ASCC3: variants seen among roughly 807,000 people sequenced by gnomAD.
The protein encoded by ASCC3 is activating signal cointegrator 1 complex subunit 3.
Under a neutral mutation model 256.3 loss-of-function variants are expected in ASCC3, and 158 were observed. The ratio of observed to expected loss-of-function variants is 0.62; its 90% CI spans 0.54 to 0.70. The LOEUF is 0.70. ASCC3 is among the 30% of genes least tolerant of loss of function. The probability of loss-of-function intolerance (pLI) is 0.00; values close to 1 mark genes in which losing one functional copy is unlikely to be tolerated. For missense variants in ASCC3, 2,259 were observed against 2,626.0 expected (o/e 0.86, Z 3.05); for synonymous variants, 948 against 883.4 (o/e 1.07, Z -1.30).
intron 15 of ASCC3, 142 bp downstream of exon 15, chr6:100,662,203 G>C: frequency 9.0e-7 from 1 of 1,109,326 alleles, no homozygotes; most frequent in Non-Finnish European, 1.3e-6. Flanking sequence ...ATTCTTATTG[G>C]AGAAAATAAT....
intron 13 of ASCC3, among the ~76,000 whole-genome samples, chr6:100,706,701 A>C (rs1439103506): frequency 6.6e-6 from 1 of 152,088 alleles, no homozygotes; most frequent in African/African-American, 2.4e-5. Context: ...AACTGATTTT[A>C]GGCCAAATAG....
chr6:100,638,403 C>T (rs1277186804), intron 25 of ASCC3, among the ~76,000 whole-genome samples, 198 bp downstream of exon 25: 1 of 152,148 alleles, frequency 6.6e-6, no homozygotes, highest in African/African-American at 2.4e-5. Flanking sequence ...TTTATTGTGA[C>T]ATTCACTATA....
chr6:100,808,286 T>TAA (rs35050146), intron 4 of ASCC3, among the ~76,000 whole-genome samples: 1 of 151,528 alleles, frequency 6.6e-6, no homozygotes, highest in South Asian at 2.1e-4. Context: ...TATACATGGG[T>TAA]AAAAAAATCC....
intron 37 of ASCC3, among the ~76,000 whole-genome samples, chr6:100,533,181 T>G (rs1232739754): frequency 6.6e-6 from 1 of 152,152 alleles, no homozygotes; most frequent in Non-Finnish European, 1.5e-5. Flanking sequence ...CCTAGTGCCT[T>G]GGATTTTATA....
chr6:100,760,798 A>T (rs1781387607), intron 10 of ASCC3, among the ~76,000 whole-genome samples: 1 of 152,342 alleles, frequency 6.6e-6, no homozygotes, highest in East Asian at 1.9e-4. Flanking sequence ...GAGCGAGAAC[A>T]GATTGGAAAA....
chr6:100,555,237 T>C (rs917758898), intron 36 of ASCC3, among the ~76,000 whole-genome samples: 2 of 152,164 alleles, frequency 1.3e-5, no homozygotes, highest in African/African-American at 4.8e-5. Flanking sequence ...TACAATAAAG[T>C]ATCAAAATAA....
chr6:100,804,073 T>G lies in ASCC3; in HGVS notation c.922+1687A>C, dbSNP rs144830631. Among the ~76,000 whole-genome samples, 60 of 152,304 alleles carry G rather than the reference T, an allele frequency of 3.9e-4. 1 individual carries two copies. The highest frequency in any genetic ancestry group is 1.4e-3 in the African/African-American group (59 of 41,580). ...TAAGTTTTGTTCCCTAGCCAACTCT[T>G]AATTTTTCCGGGATTTAAAATATGT... On this transcript the variant is annotated intron_variant, in intron 5 of 41. Coordinates refer to ENST00000369162, the MANE Select transcript of ASCC3 (RefSeq NM_006828.4).
chr6:100,774,618 G>A (rs1395179980), intron 8 of ASCC3, among the ~76,000 whole-genome samples: 4 of 152,030 alleles, frequency 2.6e-5, no homozygotes, highest in Non-Finnish European at 5.9e-5. Flanking sequence ...ACCCAGCTTG[G>A]CCTCCCAGAG....
chr6:100,586,423 T>A (rs1310647201), intron 36 of ASCC3, among the ~76,000 whole-genome samples: 2 of 152,192 alleles, frequency 1.3e-5, no homozygotes, highest in Non-Finnish European at 2.9e-5. Context: ...CGCCATTTTT[T>A]AAGCTCGTTG....
chr6:100,581,702 T>C (rs556444669), intron 36 of ASCC3, among the ~76,000 whole-genome samples: 3,103 of 152,186 alleles, frequency 0.02, 102 homozygotes, highest in African/African-American at 0.073. Context: ...TCTTCTAGGG[T>C]TTTTATGGTT....
chr6:100,793,068 A>G (rs962741410), intron 8 of ASCC3, among the ~76,000 whole-genome samples: 1 of 151,966 alleles, frequency 6.6e-6, no homozygotes, highest in Non-Finnish European at 1.5e-5. Flanking sequence ...AAGATCTGAA[A>G]AGCCTGGCAA....
chr6:100,574,832 C>G (rs920832273), intron 36 of ASCC3, among the ~76,000 whole-genome samples: 10 of 151,968 alleles, frequency 6.6e-5, no homozygotes, highest in African/African-American at 2.2e-4. Context: ...GGACTTCTAT[C>G]GGGAAAATAT....
At chr6:100,702,388 C>G (rs549557643) in intron 13 of ASCC3, among the ~76,000 whole-genome samples, 1 of 152,242 alleles carries the variant, frequency 6.6e-6, no homozygotes, top group South Asian at 2.1e-4. Flanking sequence ...TAAGGAATGA[C>G]AGATTACTAC....
At chr6:100,764,277 A>G (rs9377215) in intron 10 of ASCC3, among the ~76,000 whole-genome samples, 143,009 of 152,132 alleles carry the variant, frequency 0.94, 67,540 homozygotes, top group South Asian at 0.99. Context: ...TACGGGATTC[A>G]GGGAAGAAGT....
rs550713377 is a variant in ASCC3 at position 100,610,922 on chromosome 6, G to A, written c.4786-3834C>T. ...CACTACAAGGAACTAATTCACTGGT[G>A]TCCTTGTTCTAATAATTAGTTTGAG... On this transcript the variant is annotated intron_variant, in intron 30 of 41. Transcript: ENST00000369162. Among the ~76,000 whole-genome samples, 5 of 152,232 alleles carry A rather than the reference G, an allele frequency of 3.3e-5. No individual in the cohort carries two copies. The South Asian group carries it at 8.3e-4, about 25-fold the overall frequency.
chr6:100,592,756 T>C (rs1772069917), intron 34 of ASCC3, among the ~76,000 whole-genome samples: 1 of 152,090 alleles, frequency 6.6e-6, no homozygotes, highest in Non-Finnish European at 1.5e-5. Context: ...TAATAATCAC[T>C]TTACTAACTT....
At chr6:100,613,337 G>A (rs1250128517) in intron 30 of ASCC3, among the ~76,000 whole-genome samples, 1 of 151,334 alleles carries the variant, frequency 6.6e-6, no homozygotes, top group East Asian at 1.9e-4. Flanking sequence ...TTTATTTTTT[G>A]TGGGTACATA....
At chr6:100,520,094 G>C (rs759382663) in intron 37 of ASCC3, among the ~76,000 whole-genome samples, 2 of 152,068 alleles carry the variant, frequency 1.3e-5, no homozygotes, top group Non-Finnish European at 2.9e-5. Flanking sequence ...CACTGCTTTA[G>C]TGCAGACCTT....
At chr6:100,699,009 T>C (rs1311877259) in intron 13 of ASCC3, among the ~76,000 whole-genome samples, 4 of 152,180 alleles carry the variant, frequency 2.6e-5, no homozygotes, top group African/African-American at 4.8e-5. Context: ...CATAACCACA[T>C]TTTGATCAAC....
Sources: allele counts gnomAD v4.1 joint callset (sites outside exome capture counted in the v4.1 genomes callset), GRCh38; gene constraint gnomAD v4.1.1; transcripts MANE v1.5; gene names NCBI Gene and HGNC (gene_info 2026-07-23, HGNC 2026-07-21).